The following TAFA5 variants were observed in gnomAD, a reference collection of about 807,000 sequenced individuals.
TAFA5 encodes the protein chemokine-like protein TAFA-5.
Under a neutral mutation model 15.3 loss-of-function variants are expected in TAFA5, and 6 were observed. The observed-to-expected ratio is 0.39, with a 90% CI of 0.21 to 0.77. The LOEUF is 0.77. Ranked by LOEUF, TAFA5 falls within the 30% of genes least tolerant of loss-of-function variation. The pLI is 0.41. For missense variants in TAFA5, 161 were observed against 193.1 expected, an observed-to-expected ratio of 0.83 and a Z score of 0.98; for synonymous variants, 103 against 80.7, an observed-to-expected ratio of 1.28 and a Z score of -1.48.
chr22:48,489,701 T>G lies in TAFA5; in HGVS notation c.109T>G (p.Cys37Gly). 6.7e-7 allele frequency: 1 copy of G among 1,492,124 alleles called. No homozygotes were observed. Among genetic ancestry groups the G allele is most frequent in the Non-Finnish European group, 9.0e-7 (1 of 1,116,458 alleles). 92.4% of individuals were successfully genotyped at this position (1,492,124 alleles called of 1,614,324 possible). A position where few individuals can be genotyped will look rare whatever the true frequency, so the allele number is the denominator to read the frequency against. ...CCTGGCCAGCCTGCTCATCGCCTAC[T>G]GCAGTGAGTACCGCGCGGCCCCGGC... ...MILASLLIAYCSQLAAGTCEI... is the reference protein window; with the variant it reads ...MILASLLIAYGSQLAAGTCEI... The change falls in exon 1 of 4, where the codon TGC (cysteine) becomes GGC (glycine). Residue 37 changes from cysteine (C) to glycine (G), a missense_variant. Cys to Gly is a radical substitution (Grantham distance 159). Transcript: ENST00000402357. The surrounding 1 kb of genome is among the most constrained non-coding windows in gnomAD (Gnocchi z 5.5).
At chr22:48,536,978 G>C (rs938613251) in intron 1 of TAFA5, among the ~76,000 whole-genome samples, 5 of 152,186 alleles carry the variant, frequency 3.3e-5, no homozygotes, top group Non-Finnish European at 5.9e-5. Context: ...GACCTGGGAC[G>C]GGGGCTCCCT....
intron 1 of TAFA5, among the ~76,000 whole-genome samples, chr22:48,599,058 C>T (rs574235040): frequency 4.6e-5 from 7 of 152,286 alleles, no homozygotes; most frequent in East Asian, 3.9e-4. Flanking sequence ...CTGGGCAAGC[C>T]GTCCTCCCAG....
intron 2 of TAFA5, among the ~76,000 whole-genome samples, chr22:48,654,924 G>A (rs576479520): frequency 6.6e-6 from 1 of 152,296 alleles, no homozygotes; most frequent in East Asian, 1.9e-4. Context: ...GCTGGGAGGA[G>A]GGGCCGTGGT....
chr22:48,679,627 CGGCTCCCCGTCCATCCCTCTCCG>C (rs71194374), intron 2 of TAFA5, among the ~76,000 whole-genome samples: 2 of 55,134 alleles, frequency 3.6e-5, no homozygotes, highest in Admixed American at 1.9e-4. Flanking sequence ...ATCCCTCTCC[CGGCTCCCCGTCCATCCCTCTCCG>C]GGCTCCCCGT....
chr22:48,556,649 G>T lies in TAFA5; in HGVS notation c.112+66945G>T, dbSNP rs568668172. Among the ~76,000 whole-genome samples the T allele has an allele frequency of 2.9e-3, 436 of 152,324 alleles. 2 individuals are homozygous for T. The highest frequency in any genetic ancestry group is 4.6e-3 in the Non-Finnish European group (314 of 68,018). ...GGTCTGCAGGGCACACATCACACAG[G>T]TGTGGCGGGGCAGTGACTGCAGCAG... On this transcript the variant is annotated intron_variant, in intron 1 of 3. Transcript: ENST00000402357.
At chr22:48,543,852 T>A (rs1437609335) in intron 1 of TAFA5, 1 of 152,342 alleles carries the variant, frequency 6.6e-6, no homozygotes, top group Non-Finnish European at 1.5e-5. Flanking sequence ...AAGATAACTC[T>A]CCATTTGACC....
At chr22:48,563,734 G>A (rs951005629) in intron 1 of TAFA5, among the ~76,000 whole-genome samples, 3 of 152,198 alleles carry the variant, frequency 2.0e-5, no homozygotes, top group African/African-American at 7.2e-5. Context: ...GCAGGGTATC[G>A]GGAGCTCGGG....
At chr22:48,577,846 C>A (rs1294315986) in intron 1 of TAFA5, among the ~76,000 whole-genome samples, 1 of 152,200 alleles carries the variant, frequency 6.6e-6, no homozygotes, top group Non-Finnish European at 1.5e-5. Flanking sequence ...TGCGGGGACC[C>A]TTCCCCAGGT....
At chr22:48,693,128 G>C (rs997781703) in intron 2 of TAFA5, 2 of 665,462 alleles carry the variant, frequency 3.0e-6, no homozygotes, top group African/African-American at 3.6e-5. Flanking sequence ...CAGTAGCTGA[G>C]CGCAGGACGT....
At chr22:48,526,507 G>A (rs1045076492) in intron 1 of TAFA5, among the ~76,000 whole-genome samples, 13 of 152,200 alleles carry the variant, frequency 8.5e-5, no homozygotes, top group African/African-American at 1.9e-4. Context: ...TGGCTTCTGC[G>A]TGCCACCTTG....
chr22:48,586,651 G>A (rs1924373104), intron 1 of TAFA5, among the ~76,000 whole-genome samples: 1 of 152,232 alleles, frequency 6.6e-6, no homozygotes, highest in East Asian at 1.9e-4. Context: ...AGGGGTGCAG[G>A]GCTGGTGTTC....
At chr22:48,542,096 ATGTGTGTGTGGTGTG>A (rs147056871) in intron 1 of TAFA5, among the ~76,000 whole-genome samples, 75,489 of 134,838 alleles carry the variant, frequency 0.56, 22,311 homozygotes, top group Middle Eastern at 0.72. Flanking sequence ...TGCATGTGTG[ATGTGTGTGTGGTGTG>A]TGTGTGTGTG....
intron 1 of TAFA5, among the ~76,000 whole-genome samples, chr22:48,583,013 C>T (rs1016740133): frequency 1.3e-5 from 2 of 148,250 alleles, no homozygotes; most frequent in Non-Finnish European, 3.0e-5. Flanking sequence ...ACACAAAATA[C>T]ACCACACACC....
chr22:48,598,702 C>T lies in TAFA5; in HGVS notation c.113-47895C>T, dbSNP rs1924856773. Among the ~76,000 whole-genome samples, 2 of 152,108 alleles carry T rather than the reference C, an allele frequency of 1.3e-5. No individual in the cohort carries two copies. Among genetic ancestry groups the T allele is most frequent in the African/African-American group, 2.4e-5 (1 of 41,404 alleles). On this transcript the variant is annotated intron_variant, in intron 1 of 3. Coordinates refer to ENST00000402357, the MANE Select transcript of TAFA5 (RefSeq NM_001082967.3). This position sits in a 1 kb window ranked among gnomAD's most constrained non-coding sequence, Gnocchi z 4.0. ...TATCTGGCCATTTAATTAAATTGTCCTCCAATTTAATTCGGTTCTCAGACT... is the reference window on the plus strand; with the variant it reads ...TATCTGGCCATTTAATTAAATTGTCTTCCAATTTAATTCGGTTCTCAGACT...
At chr22:48,547,045 G>A (rs1922699057) in intron 1 of TAFA5, 1 of 153,026 alleles carries the variant, frequency 6.5e-6, no homozygotes, top group Admixed American at 6.5e-5. Flanking sequence ...GATTAAAAAT[G>A]GTAGAGAAAA....
At chr22:48,499,004 T>C (rs529800309) in intron 1 of TAFA5, among the ~76,000 whole-genome samples, 10 of 152,284 alleles carry the variant, frequency 6.6e-5, no homozygotes, top group Admixed American at 6.5e-4. Context: ...TGCGTGTCCC[T>C]TGCCTCCCGT....
intron 2 of TAFA5, among the ~76,000 whole-genome samples, chr22:48,701,254 C>T (rs1293726436): frequency 6.6e-6 from 1 of 152,176 alleles, no homozygotes; most frequent in African/African-American, 2.4e-5. Flanking sequence ...GGCTTCCACC[C>T]TCCCTCCACC....
At chr22:48,626,481 T>G (rs1926029364) in intron 1 of TAFA5, among the ~76,000 whole-genome samples, 1 of 152,220 alleles carries the variant, frequency 6.6e-6, no homozygotes, top group African/African-American at 2.4e-5. Flanking sequence ...TATTTGCCAT[T>G]TTTTTGGTGA....
intron 1 of TAFA5, among the ~76,000 whole-genome samples, chr22:48,500,251 C>T (rs570754421): frequency 5.9e-5 from 9 of 152,228 alleles, no homozygotes; most frequent in South Asian, 2.1e-4. Flanking sequence ...ATGGCAGGCT[C>T]GTCTGGGCCC....
Sources: gnomAD v4.1 joint callset for allele counts (sites outside exome capture counted in the v4.1 genomes callset) on GRCh38, gnomAD v4.1.1 for gene constraint, Gnocchi (gnomAD v3.1) non-coding constraint, MANE v1.5 for transcripts, NCBI Gene and HGNC (gene_info 2026-07-23, HGNC 2026-07-21) for gene names.